The following SGIP1 variants were observed in gnomAD, a reference collection of about 807,000 sequenced individuals.
SGIP1 encodes SH3-containing GRB2-like protein 3-interacting protein 1.
Under a neutral mutation model 107.5 loss-of-function variants are expected in SGIP1, and 38 were observed. The observed-to-expected ratio is 0.35, with a 90% CI of 0.27 to 0.46. The LOEUF is 0.46. SGIP1 is among the 20% of genes least tolerant of loss of function. The probability of loss-of-function intolerance (pLI) is 1.00; values close to 1 mark genes in which losing one functional copy is unlikely to be tolerated. For synonymous variants in SGIP1, 365 were observed against 366.1 expected, an observed-to-expected ratio of 1.00 and a Z score of 0.03; for missense variants, 929 against 1,019.5, an observed-to-expected ratio of 0.91 and a Z score of 1.21.
intron 1 of SGIP1, among the ~76,000 whole-genome samples, chr1:66,548,419 T>C (rs923522789): frequency 2.6e-5 from 4 of 152,002 alleles, no homozygotes; most frequent in Non-Finnish European, 5.9e-5. Flanking sequence ...AAAGTGAAGG[T>C]TTAATTTAGC....
intron 19 of SGIP1, among the ~76,000 whole-genome samples, chr1:66,723,584 A>G (rs989649209): frequency 6.6e-6 from 1 of 152,306 alleles, no homozygotes; most frequent in African/African-American, 2.4e-5. Context: ...TCCTTCTTTT[A>G]TCATCACATT....
intron 7 of SGIP1, among the ~76,000 whole-genome samples, chr1:66,655,632 T>G (rs974096999): frequency 2.5e-4 from 38 of 152,208 alleles, no homozygotes; most frequent in African/African-American, 8.0e-4. Flanking sequence ...AGGCTACAAA[T>G]ATGTATAGCA....
intron 1 of SGIP1, among the ~76,000 whole-genome samples, chr1:66,553,801 C>G (rs1285812925): frequency 6.6e-6 from 1 of 152,080 alleles, no homozygotes; most frequent in East Asian, 1.9e-4. Context: ...ATCCTTCTTC[C>G]TACACTAACC....
chr1:66,633,805 GA>G (rs11420348), intron 3 of SGIP1, among the ~76,000 whole-genome samples: 1 of 150,936 alleles, frequency 6.6e-6, no homozygotes, highest in Admixed American at 6.6e-5. Context: ...AGCTGTTACT[GA>G]AAAAAAAATG....
chr1:66,668,024 T>A (rs753201293), intron 9 of SGIP1, among the ~76,000 whole-genome samples: 1 of 152,220 alleles, frequency 6.6e-6, no homozygotes, highest in Admixed American at 6.5e-5. Context: ...TACATCATTA[T>A]AATTTCCATC....
At chr1:66,545,037 C>T (rs2056032555) in intron 1 of SGIP1, among the ~76,000 whole-genome samples, 2 of 152,284 alleles carry the variant, frequency 1.3e-5, no homozygotes, top group South Asian at 2.1e-4. Flanking sequence ...GATTGTCTTT[C>T]CTAAATAGCT....
intron 9 of SGIP1, among the ~76,000 whole-genome samples, chr1:66,668,215 G>A (rs1036549497): frequency 1.3e-5 from 2 of 151,770 alleles, no homozygotes; most frequent in South Asian, 2.1e-4. Context: ...TTTCTGTGAC[G>A]GATCTCGCTC....
At chr1:66,580,303 C>G (rs895180537) in intron 1 of SGIP1, among the ~76,000 whole-genome samples, 2 of 152,164 alleles carry the variant, frequency 1.3e-5, no homozygotes, top group Non-Finnish European at 2.9e-5. Flanking sequence ...GAGGGTTTTG[C>G]TGTTTCCTGT....
chr1:66,652,940 A>C (rs1488463581), intron 7 of SGIP1, among the ~76,000 whole-genome samples: 2 of 152,206 alleles, frequency 1.3e-5, no homozygotes, highest in African/African-American at 2.4e-5. Flanking sequence ...CTACTCATCA[A>C]GGAAAGCTTC....
intron 23 of SGIP1, 44 bp from the exon 24 acceptor site, chr1:66,741,228 A>ATATTATGTT: frequency 6.6e-7 from 1 of 1,507,158 alleles, no homozygotes; most frequent in Non-Finnish European, 8.9e-7. Flanking sequence ...TATATCCGAA[A>ATATTATGTT]TATTATGTTG....
In SGIP1 at chr1:66,542,279, C is replaced by T. The variant is rs186162322; in HGVS notation, c.10+7911C>T. On this transcript the variant is annotated intron_variant, in intron 1 of 24. Transcript: ENST00000371037. ...TAAATAAGGCACAGTAGGAGATTGG[C>T]GACAATAACGAATAATAAAATTTAG... Among the ~76,000 whole-genome samples, 40 of 152,018 alleles carry T rather than the reference C, an allele frequency of 2.6e-4. No individual in the cohort carries two copies. The South Asian group carries it at 4.0e-3, about 15-fold the overall frequency.
At chr1:66,742,730 A>G (rs2094497725) in intron 24 of SGIP1, among the ~76,000 whole-genome samples, 1 of 148,904 alleles carries the variant, frequency 6.7e-6, no homozygotes, top group Non-Finnish European at 1.5e-5. Flanking sequence ...CGGCCTCCCA[A>G]AGTGCTGGGA....
chr1:66,595,203 C>T (rs1026640352), intron 1 of SGIP1, among the ~76,000 whole-genome samples: 2 of 152,314 alleles, frequency 1.3e-5, no homozygotes, highest in East Asian at 1.9e-4. Context: ...CTTTCTTTAG[C>T]TCTGTTAACA....
At chr1:66,589,208 ATATATATATG>A (rs2063193226) in intron 1 of SGIP1, among the ~76,000 whole-genome samples, 1 of 87,524 alleles carries the variant, frequency 1.1e-5, no homozygotes, top group East Asian at 3.0e-4. Flanking sequence ...ATATATATAT[ATATATATATG>A]TAAGGCTTGG....
chr1:66,679,005 A>C (rs549323882), intron 13 of SGIP1, among the ~76,000 whole-genome samples: 1 of 152,320 alleles, frequency 6.6e-6, no homozygotes, highest in African/African-American at 2.4e-5. Context: ...CTTTGCCCAC[A>C]AAGTGACAAG....
intron 1 of SGIP1, among the ~76,000 whole-genome samples, chr1:66,548,693 A>G (rs2056876893): frequency 6.6e-6 from 1 of 152,142 alleles, no homozygotes; most frequent in Non-Finnish European, 1.5e-5. Context: ...AGAAATACTT[A>G]AGAGATCTTA....
At chr1:66,727,108 C>G (rs1196779139) in intron 19 of SGIP1, among the ~76,000 whole-genome samples, 1 of 152,192 alleles carries the variant, frequency 6.6e-6, no homozygotes, top group Admixed American at 6.5e-5. Context: ...AACTTCTGCT[C>G]TTCAAATGTC....
At position 66,625,761 on chromosome 1, in the gene SGIP1, A is replaced by T. The variant is rs964235051; in HGVS notation, c.11-86A>T. 36 of 1,141,706 alleles carry T rather than the reference A, an allele frequency of 3.2e-5. No individual in the cohort carries two copies. The Admixed American group carries it at 3.8e-4, about 12-fold the overall frequency. The allele number at this position is 1,141,706 out of a possible 1,614,324, so 70.7% of individuals were successfully genotyped here. On this transcript the variant is annotated intron_variant, in intron 1 of 24. Coordinates refer to ENST00000371037, the MANE Select transcript of SGIP1 (RefSeq NM_032291.4). ...AACTTCATTGCTTTCTAAACATTTA[A>T]GTCTAACTGGTGTGTTACAACCTTC...
At chr1:66,547,419 T>C (rs1204668598) in intron 1 of SGIP1, among the ~76,000 whole-genome samples, 1 of 152,176 alleles carries the variant, frequency 6.6e-6, no homozygotes, top group African/African-American at 2.4e-5. Flanking sequence ...AACCCAAATA[T>C]AGTTCTGTAT....
Sources: gnomAD v4.1 joint callset for allele counts (sites outside exome capture counted in the v4.1 genomes callset) on GRCh38, gnomAD v4.1.1 for gene constraint, MANE v1.5 for transcripts, NCBI Gene and HGNC (gene_info 2026-07-23, HGNC 2026-07-21) for gene names.